The following OSBPL10 variants were observed in gnomAD, a reference collection of about 807,000 sequenced individuals.
The protein encoded by OSBPL10 is oxysterol-binding protein-related protein 10.
Under a neutral mutation model 81.7 loss-of-function variants are expected in OSBPL10, and 49 were observed. That is an observed-to-expected ratio of 0.60 (90% CI 0.48 to 0.76). OSBPL10 has a LOEUF of 0.76. Ranked by LOEUF, OSBPL10 falls within the 30% of genes least tolerant of loss-of-function variation. The pLI is 0.00. For missense variants in OSBPL10, 923 were observed against 987.8 expected (o/e 0.93, Z 0.88); for synonymous variants, 419 against 383.6 (o/e 1.09, Z -1.08).
chr3:31,993,689 C>A (rs1390540404), intron 2 of OSBPL10, among the ~76,000 whole-genome samples: 1 of 151,842 alleles, frequency 6.6e-6, no homozygotes, highest in Non-Finnish European at 1.5e-5. Flanking sequence ...CATACACACA[C>A]ACACACACAC....
intron 4 of OSBPL10, among the ~76,000 whole-genome samples, chr3:31,752,664 C>A (rs1697755888): frequency 6.6e-6 from 1 of 152,220 alleles, no homozygotes. Flanking sequence ...GATCAAAAAC[C>A]AATGATATCT....
chr3:31,797,285 G>A (rs1009745842), intron 4 of OSBPL10, among the ~76,000 whole-genome samples: 3 of 152,080 alleles, frequency 2.0e-5, no homozygotes, highest in Non-Finnish European at 2.9e-5. Context: ...GAGCCACTGC[G>A]CCTGGCCACA....
intron 4 of OSBPL10, among the ~76,000 whole-genome samples, chr3:31,773,714 G>C (rs1426769230): frequency 6.6e-6 from 1 of 152,208 alleles, no homozygotes; most frequent in African/African-American, 2.4e-5. Context: ...GAGTGTGGCT[G>C]AGAATGTCAT....
chr3:31,893,857 A>T (rs1695978337), intron 1 of OSBPL10, among the ~76,000 whole-genome samples: 1 of 152,256 alleles, frequency 6.6e-6, no homozygotes, highest in Non-Finnish European at 1.5e-5. Flanking sequence ...GAGCAGGATT[A>T]GCTGCAAACT....
chr3:31,758,839 G>A (rs1472500887), intron 4 of OSBPL10, among the ~76,000 whole-genome samples: 1 of 152,102 alleles, frequency 6.6e-6, no homozygotes, highest in African/African-American at 2.4e-5. Flanking sequence ...TGGCCACCTT[G>A]TTCAGTATAA....
At chr3:31,809,449 C>T (rs1480842420) in intron 4 of OSBPL10, among the ~76,000 whole-genome samples, 2 of 152,204 alleles carry the variant, frequency 1.3e-5, no homozygotes, top group African/African-American at 4.8e-5. Context: ...AGCTGGATAA[C>T]TATGCCCCTA....
chr3:31,971,235 G>A (rs985256823), intron 1 of OSBPL10, among the ~76,000 whole-genome samples: 2 of 148,146 alleles, frequency 1.4e-5, no homozygotes, highest in South Asian at 4.2e-4. Flanking sequence ...CTGCCTTCTG[G>A]GTTCAAGCGA....
chr3:31,909,509 A>G (rs1049808131), intron 1 of OSBPL10, among the ~76,000 whole-genome samples: 2 of 152,154 alleles, frequency 1.3e-5, no homozygotes, highest in African/African-American at 4.8e-5. Context: ...ACGTTTAAAA[A>G]AAAAAAGAAA....
chr3:31,922,891 C>A (rs1378578085), intron 1 of OSBPL10, among the ~76,000 whole-genome samples: 1 of 152,004 alleles, frequency 6.6e-6, no homozygotes, highest in African/African-American at 2.4e-5. Flanking sequence ...GCAACAATAA[C>A]CTTCTAGAGC....
At chr3:32,074,234 A>G (rs1477743813) in intron 1 of OSBPL10, among the ~76,000 whole-genome samples, 1 of 152,096 alleles carries the variant, frequency 6.6e-6, no homozygotes. Flanking sequence ...GACATTTCAC[A>G]TCAATAAGCT....
intron 5 of OSBPL10, among the ~76,000 whole-genome samples, chr3:31,743,030 AGTTTTT>A: frequency 8.9e-6 from 1 of 111,982 alleles, no homozygotes; most frequent in African/African-American, 3.4e-5. Flanking sequence ...AAGCTAAATT[AGTTTTT>A]TTTTTTTTTT....
At chr3:31,994,863 T>A (rs1371655363) in intron 2 of OSBPL10, among the ~76,000 whole-genome samples, 2 of 152,142 alleles carry the variant, frequency 1.3e-5, no homozygotes, top group African/African-American at 4.8e-5. Flanking sequence ...TTTCCCTAAG[T>A]GTCGGCTGGT....
Position 31,683,512 on chromosome 3 carries a change from A to G in OSBPL10, c.1726+122T>C. On this transcript the variant is annotated intron_variant, in intron 8 of 11. Transcript: ENST00000396556. ...CTGACCCTTTTACCACCCACACTCTAATTCCAAAACCAGTTAAAAACAACA... is the reference window on the plus strand; with the variant it reads ...CTGACCCTTTTACCACCCACACTCTGATTCCAAAACCAGTTAAAAACAACA... 5 of 1,407,216 alleles carry G rather than the reference A, an allele frequency of 3.6e-6. No homozygotes were observed. In the East Asian group the frequency reaches 1.2e-4, roughly 32 times the overall value. 87.2% of individuals were successfully genotyped at this position (1,407,216 alleles called of 1,614,324 possible).
chr3:32,009,439 C>T (rs1369310767), intron 2 of OSBPL10, among the ~76,000 whole-genome samples: 1 of 152,192 alleles, frequency 6.6e-6, no homozygotes, highest in Non-Finnish European at 1.5e-5. Flanking sequence ...GTCACTTAAA[C>T]TCTCAGGTGT....
At chr3:31,761,732 T>G (rs1453829459) in intron 4 of OSBPL10, among the ~76,000 whole-genome samples, 1 of 149,020 alleles carries the variant, frequency 6.7e-6, no homozygotes, top group East Asian at 2.0e-4. Flanking sequence ...GGAGAATCAC[T>G]TGAACCCAGG....
intron 2 of OSBPL10, chr3:31,989,452 G>A: frequency 6.2e-7 from 1 of 1,614,204 alleles, no homozygotes; most frequent in Non-Finnish European, 8.5e-7. Flanking sequence ...AAATAGCCAT[G>A]AAGCAACTAT....
intron 4 of OSBPL10, among the ~76,000 whole-genome samples, chr3:31,804,431 A>C (rs1699473683): frequency 6.6e-6 from 1 of 152,250 alleles, no homozygotes; most frequent in Admixed American, 6.5e-5. Flanking sequence ...ACTGACTTAC[A>C]AGTAAGCAAA....
At chr3:31,665,779 A>AAC (rs1398004563) in intron 10 of OSBPL10, among the ~76,000 whole-genome samples, 2 of 152,302 alleles carry the variant, frequency 1.3e-5, no homozygotes, top group East Asian at 3.9e-4. Flanking sequence ...ACACAGCCTC[A>AAC]ACACACACCT....
chr3:31,674,669 T>C (rs970753295), intron 8 of OSBPL10, among the ~76,000 whole-genome samples: 3 of 152,170 alleles, frequency 2.0e-5, no homozygotes, highest in Admixed American at 1.3e-4. Flanking sequence ...CTTCTGCTCT[T>C]GCCATGTGAC....
Sources: gnomAD v4.1 joint callset for allele counts (sites outside exome capture counted in the v4.1 genomes callset) on GRCh38, gnomAD v4.1.1 for gene constraint, MANE v1.5 for transcripts, NCBI Gene and HGNC (gene_info 2026-07-23, HGNC 2026-07-21) for gene names.